The following GPA33 variants were observed in gnomAD, a reference collection of about 807,000 sequenced individuals.
The protein encoded by GPA33 is glycoprotein A33, also known as cell surface A33 antigen.
GPA33 carries 27 observed loss-of-function variants against 35.6 expected under a neutral mutation model. The observed-to-expected ratio is 0.76, with a 90% CI of 0.56 to 1.04. The LOEUF (loss-of-function observed/expected upper bound fraction) is 1.04. Among genes scored for constraint, GPA33 ranks in the 50% least tolerant of loss-of-function variants. GPA33 has a pLI of 0.00. For missense variants in GPA33, 428 were observed against 411.9 expected (o/e 1.04, Z -0.34); for synonymous variants, 176 against 164.0 (o/e 1.07, Z -0.56).
At chr1:167,056,978 TGTGTG>T (rs1666321384) in intron 4 of GPA33, among the ~76,000 whole-genome samples, 2 of 110,850 alleles carry the variant, frequency 1.8e-5, no homozygotes, top group African/African-American at 3.4e-5. Context: ...CAGTGTGTGA[TGTGTG>T]GTGTGTGGTG....
Position 167,054,981 on chromosome 1 carries a change from T to C in GPA33, c.822A>G (p.Ala274=). ...CTACCAGCCCAGACACTCACGGCCTTGCATCCTCCTTGTCTTCAGTGTTGT... is the reference window on the plus strand; with the variant it reads ...CTACCAGCCCAGACACTCACGGCCTCGCATCCTCCTTGTCTTCAGTGTTGT... ...KDDNTEDKED[A]RPNREAYEEP... is the part of the protein sequence containing the mutation. Residue 274 remains alanine, a synonymous_variant, in exon 6 of 7, where the codon GCA becomes GCG. Coordinates refer to ENST00000367868, the MANE Select transcript of GPA33 (RefSeq NM_005814.3). 1 of 1,614,072 alleles carries C rather than the reference T, an allele frequency of 6.2e-7. No individual in the cohort carries two copies. Among genetic ancestry groups the C allele is most frequent in the Non-Finnish European group, 8.5e-7 (1 of 1,180,010 alleles).
At chr1:167,075,534 G>A (rs1666807374) in intron 1 of GPA33, among the ~76,000 whole-genome samples, 1 of 152,230 alleles carries the variant, frequency 6.6e-6, no homozygotes, top group African/African-American at 2.4e-5. Flanking sequence ...AAGGAAGGAG[G>A]AAGTTTCAGG....
At chr1:167,067,624 T>C (rs1028380220) in intron 3 of GPA33, among the ~76,000 whole-genome samples, 11 of 152,060 alleles carry the variant, frequency 7.2e-5, no homozygotes, top group Admixed American at 5.9e-4. Flanking sequence ...CGTGTGTGTA[T>C]GGGATGTCTA....
chr1:167,069,693 C>CA (rs1285488008), intron 2 of GPA33, among the ~76,000 whole-genome samples: 2 of 152,254 alleles, frequency 1.3e-5, no homozygotes, highest in African/African-American at 4.8e-5. Context: ...TTCAAATCCC[C>CA]ATTCTGCCAT....
At chr1:167,069,376 C>T (rs902425484) in intron 2 of GPA33, among the ~76,000 whole-genome samples, 2 of 152,020 alleles carry the variant, frequency 1.3e-5, no homozygotes, top group Non-Finnish European at 2.9e-5. Context: ...CAGTTCATAC[C>T]GCAGTACACA....
At chr1:167,076,931 C>A (rs905511756) in intron 1 of GPA33, among the ~76,000 whole-genome samples, 1 of 152,106 alleles carries the variant, frequency 6.6e-6, no homozygotes. Flanking sequence ...GCTGGCAGGG[C>A]GCAGTGGCTC....
chr1:167,071,119 C>A (rs182286113), intron 2 of GPA33, among the ~76,000 whole-genome samples: 1 of 151,712 alleles, frequency 6.6e-6, no homozygotes, highest in Admixed American at 6.6e-5. Flanking sequence ...TGAAGCCACC[C>A]GGGATAAATA....
At chr1:167,065,754 T>A (rs1558006126) in intron 3 of GPA33, among the ~76,000 whole-genome samples, 1 of 152,012 alleles carries the variant, frequency 6.6e-6, no homozygotes, top group Non-Finnish European at 1.5e-5. Context: ...GCTGGCCAGG[T>A]GTGGGGCGAG....
chr1:167,082,769 G>A (rs146103642), intron 1 of GPA33, among the ~76,000 whole-genome samples: 4 of 152,282 alleles, frequency 2.6e-5, no homozygotes, highest in South Asian at 2.1e-4. Context: ...ACTTTGTGAC[G>A]GCCCTAATGG....
chr1:167,061,560 G>A (rs1666442724), intron 4 of GPA33, among the ~76,000 whole-genome samples: 1 of 138,736 alleles, frequency 7.2e-6, no homozygotes, highest in Non-Finnish European at 1.5e-5. Flanking sequence ...CCTATTTTAA[G>A]TTAGGTCGAG....
In GPA33 at chr1:167,068,949, T is replaced by C; in HGVS notation, c.388A>G (p.Lys130Glu). The change falls in exon 3 of 7, where the codon AAG (lysine) becomes GAG (glutamate). Residue 130 changes from lysine (K) to glutamate (E), a missense_variant. Coordinates refer to ENST00000367868, the MANE Select transcript of GPA33 (RefSeq NM_005814.3). ...AGGACCAACAGGCGGACACGTGACT[T>C]GGTGTTGCCCTCCAGGTCTGACATC... Reference protein sequence around the residue: ...SLMSDLEGNTKSRVRLLVLVP... With the variant: ...SLMSDLEGNTESRVRLLVLVP... 6.2e-7 allele frequency: 1 copy of C among 1,613,206 alleles called. No individual in the cohort carries two copies.
chr1:167,086,473 C>T (rs1667052217), intron 1 of GPA33, among the ~76,000 whole-genome samples: 1 of 152,232 alleles, frequency 6.6e-6, no homozygotes, highest in Non-Finnish European at 1.5e-5. Flanking sequence ...AGACATGTGA[C>T]ACTGGGCTCA....
chr1:167,059,341 A>G (rs1251187174), intron 4 of GPA33, among the ~76,000 whole-genome samples: 1 of 152,164 alleles, frequency 6.6e-6, no homozygotes, highest in Non-Finnish European at 1.5e-5. Context: ...CCTTGTGGTC[A>G]GAAAGGGGAA....
At chr1:167,067,275 AATTTATTT>A (rs57948383) in intron 3 of GPA33, among the ~76,000 whole-genome samples, 34 of 146,804 alleles carry the variant, frequency 2.3e-4, no homozygotes, top group African/African-American at 5.2e-4. Context: ...CCTCCACCTC[AATTTATTT>A]ATTTATTTAT....
intron 2 of GPA33, among the ~76,000 whole-genome samples, chr1:167,071,362 G>A (rs897016555): frequency 6.6e-6 from 1 of 152,210 alleles, no homozygotes; most frequent in Non-Finnish European, 1.5e-5. Flanking sequence ...AGAGCATTAG[G>A]TATAGAAGCG....
At chr1:167,083,487 C>T (rs1666993505) in intron 1 of GPA33, among the ~76,000 whole-genome samples, 1 of 152,178 alleles carries the variant, frequency 6.6e-6, no homozygotes, top group Non-Finnish European at 1.5e-5. Context: ...TGCCTGTGTC[C>T]TGGGCACTAT....
intron 4 of GPA33, among the ~76,000 whole-genome samples, chr1:167,057,975 G>A (rs976729783): frequency 6.6e-6 from 1 of 152,232 alleles, no homozygotes; most frequent in African/African-American, 2.4e-5. Flanking sequence ...AAGGCGGGCA[G>A]ATCACTTGAG....
chr1:167,069,642 G>C (rs1026775243), intron 2 of GPA33, among the ~76,000 whole-genome samples: 9 of 152,200 alleles, frequency 5.9e-5, no homozygotes, highest in Non-Finnish European at 1.2e-4. Flanking sequence ...ATTGTATGTG[G>C]TAATGGCTAA....
chr1:167,074,672 G>A (rs1666784563), intron 1 of GPA33, among the ~76,000 whole-genome samples: 1 of 152,094 alleles, frequency 6.6e-6, no homozygotes, highest in Non-Finnish European at 1.5e-5. Context: ...GGCTAAGCAA[G>A]GGTCAGGCAG....
Sources: gnomAD v4.1 joint callset for allele counts (sites outside exome capture counted in the v4.1 genomes callset) on GRCh38, gnomAD v4.1.1 for gene constraint, MANE v1.5 for transcripts, NCBI Gene and HGNC (gene_info 2026-07-23, HGNC 2026-07-21) for gene names.